RICTOR: variants seen among roughly 807,000 people sequenced by gnomAD.
RICTOR encodes rapamycin-insensitive companion of mTOR.
RICTOR carries 49 observed loss-of-function variants against 214.9 expected under a neutral mutation model. The ratio of observed to expected loss-of-function variants is 0.23; its 90% CI spans 0.18 to 0.29. The LOEUF is 0.29. Among genes scored for constraint, RICTOR ranks in the 10% least tolerant of loss-of-function variants. RICTOR has a pLI of 1.00. For missense variants in RICTOR, 1,625 were observed against 2,047.0 expected (o/e 0.79, Z 3.98); for synonymous variants, 717 against 711.3 (o/e 1.01, Z -0.13).
At chr5:39,046,099 C>T (rs1757479308) in intron 2 of RICTOR, among the ~76,000 whole-genome samples, 1 of 150,574 alleles carries the variant, frequency 6.6e-6, no homozygotes, top group Admixed American at 6.6e-5. Context: ...CACGTAATCC[C>T]AAAACTCTGG....
In RICTOR at chr5:39,021,063, T is replaced by C. The variant is rs1417250742; in HGVS notation, c.171A>G (p.Leu57=). 6.3e-7 allele frequency: 1 copy of C among 1,582,586 alleles called. No homozygotes were observed. Among genetic ancestry groups the C allele is most frequent in the Non-Finnish European group, 8.7e-7 (1 of 1,151,410 alleles). Residue 57 remains leucine, a synonymous_variant, in exon 3 of 38, where the codon CTA becomes CTG. Transcript: ENST00000357387. The part of the protein sequence containing the change: ...RLQGVSNMRK[L]GHLNNFTKLL... ...CCTTAGTAAAGTTATTCAGATGGCC[T>C]AGCTTTCTCATATTTGATACTCCCT...
At chr5:39,045,435 T>C (rs1473012917) in intron 2 of RICTOR, among the ~76,000 whole-genome samples, 1 of 152,140 alleles carries the variant, frequency 6.6e-6, no homozygotes, top group Non-Finnish European at 1.5e-5. Context: ...ACATTACAAT[T>C]ACTGCATGTT....
chr5:38,964,597 C>T (rs1374542356), intron 16 of RICTOR, among the ~76,000 whole-genome samples, 195 bp downstream of exon 16: 1 of 151,790 alleles, frequency 6.6e-6, no homozygotes, highest in African/African-American at 2.4e-5. Flanking sequence ...GATTTTATTA[C>T]ACTATTAGTA....
At chr5:38,949,607 G>A in intron 31 of RICTOR, 105 bp downstream of exon 31, 1 of 1,096,900 alleles carries the variant, frequency 9.1e-7, no homozygotes, top group Non-Finnish European at 1.3e-6. Context: ...AATTATAATA[G>A]GTCAGTGATG....
At chr5:38,999,043 A>AAAAAAAAAAAAAC (rs1561514547) in intron 5 of RICTOR, among the ~76,000 whole-genome samples, 24 of 143,016 alleles carry the variant, frequency 1.7e-4, no homozygotes, top group Non-Finnish European at 2.7e-4. Flanking sequence ...AAAAAAAAAA[A>AAAAAAAAAAAAAC]AAAAAAAACA....
chr5:39,073,833 G>T (rs1036054173), intron 2 of RICTOR, among the ~76,000 whole-genome samples: 1 of 152,170 alleles, frequency 6.6e-6, no homozygotes, highest in Admixed American at 6.5e-5. Flanking sequence ...CCAGAGGGTC[G>T]CCGGGTCTGC....
intron 1 of RICTOR, 52 bp downstream of exon 1, chr5:39,074,277 C>T: frequency 1.3e-6 from 2 of 1,571,254 alleles, no homozygotes; most frequent in Admixed American, 3.7e-5. Flanking sequence ...AAGGCAAGTG[C>T]CAGGGGTGGC....
chr5:38,990,717 T>TCA lies in RICTOR; in HGVS notation c.583+231_583+232insTG, dbSNP rs1314731565. On this transcript the variant is annotated intron_variant, in intron 7 of 37. Coordinates refer to ENST00000357387, the MANE Select transcript of RICTOR (RefSeq NM_152756.5). ...TGATATATATCAGATATGATATATA[T>TCA]GATATATATCATATATATGATATAT... Among the ~76,000 whole-genome samples, 8 of 128,556 alleles carry TCA rather than the reference T, an allele frequency of 6.2e-5. 2 individuals carry two copies. Among genetic ancestry groups the TCA allele is most frequent in the African/African-American group, 2.2e-4 (8 of 35,630 alleles). 84.3% of individuals were successfully genotyped at this position (128,556 alleles called of 152,430 possible).
chr5:38,975,466 A>G (rs1751129606), intron 10 of RICTOR, 71 bp downstream of exon 10: 3 of 1,051,100 alleles, frequency 2.9e-6, no homozygotes, highest in Admixed American at 3.6e-5. Flanking sequence ...TGCTACAATA[A>G]TAATTTAACA....
At position 39,059,443 on chromosome 5, in the gene RICTOR, C is replaced by T. The variant is rs75133831; in HGVS notation, c.97+14668G>A. 6.9e-3 allele frequency among the ~76,000 whole-genome samples: 1,050 copies of T among 152,142 alleles called. 52 individuals are homozygous for T. The East Asian group carries it at 0.12, about 17-fold the overall frequency. ...ATGTTTCTTGATCTGGGTTCTGATT[C>T]CCCATGTGTTCAATTTGTCAAAATT... On this transcript the variant is annotated intron_variant, in intron 2 of 37. Transcript: ENST00000357387.
chr5:38,969,657 G>A (rs1750587877), intron 11 of RICTOR: 1 of 147,076 alleles, frequency 6.8e-6, no homozygotes, highest in East Asian at 2.0e-4. Flanking sequence ...TATAGGTGCT[G>A]TATTTTTAAT....
chr5:39,025,640 T>A (rs745915983), intron 2 of RICTOR, among the ~76,000 whole-genome samples: 1 of 152,150 alleles, frequency 6.6e-6, no homozygotes, highest in Non-Finnish European at 1.5e-5. Context: ...AGGTCCTGGT[T>A]CCTCTTTCAG....
chr5:38,941,810 T>C lies in RICTOR; in HGVS notation c.*494A>G, dbSNP rs1747601534. The stretch of plus-strand genomic sequence containing the variant: ...GAAAGGGCCAAAGTTCCCTCTCTAA[T>C]ACCAGCAGTTATAGCACACCCCATT... On this transcript the variant is annotated 3_prime_UTR_variant, in exon 38 of 38. Transcript: ENST00000357387. 1 of 233,178 alleles carries C rather than the reference T, an allele frequency of 4.3e-6. No individual in the cohort carries two copies. Among genetic ancestry groups the C allele is most frequent in the Non-Finnish European group, 8.5e-6 (1 of 117,774 alleles). The allele number at this position is 233,178 out of a possible 1,614,324, so 14.4% of individuals were successfully genotyped here.
At chr5:39,036,797 G>A (rs1756742518) in intron 2 of RICTOR, among the ~76,000 whole-genome samples, 2 of 152,222 alleles carry the variant, frequency 1.3e-5, no homozygotes, top group South Asian at 4.1e-4. Flanking sequence ...CCCAATACAG[G>A]AGCACCCAGA....
chr5:38,951,063 ACT>A (rs1164466996), intron 30 of RICTOR, among the ~76,000 whole-genome samples: 1 of 151,936 alleles, frequency 6.6e-6, no homozygotes, highest in Non-Finnish European at 1.5e-5. Flanking sequence ...ATGGATGCTT[ACT>A]CAATTACTAC....
At chr5:39,026,811 C>G (rs1469910173) in intron 2 of RICTOR, among the ~76,000 whole-genome samples, 3 of 151,800 alleles carry the variant, frequency 2.0e-5, no homozygotes, top group African/African-American at 7.3e-5. Context: ...AGTTTGAGAC[C>G]AGCCTGACCA....
At chr5:39,033,356 T>C (rs2367996) in intron 2 of RICTOR, among the ~76,000 whole-genome samples, 67,254 of 151,536 alleles carry the variant, frequency 0.44, 15,005 homozygotes, top group East Asian at 0.6. Context: ...CTCTGCCTCC[T>C]GGGTTCAAGC....
intron 2 of RICTOR, among the ~76,000 whole-genome samples, chr5:39,035,345 A>C (rs1756596285): frequency 6.6e-6 from 1 of 152,204 alleles, no homozygotes; most frequent in African/African-American, 2.4e-5. Flanking sequence ...CAAAGACCTA[A>C]GGTAGATAAA....
chr5:39,073,613 A>T (rs983443688), intron 2 of RICTOR, among the ~76,000 whole-genome samples: 1 of 152,174 alleles, frequency 6.6e-6, no homozygotes, highest in African/African-American at 2.4e-5. Flanking sequence ...TCCCCACAGG[A>T]CGGTGGGCAA....
Sources: gnomAD v4.1 joint callset for allele counts (sites outside exome capture counted in the v4.1 genomes callset) on GRCh38, gnomAD v4.1.1 for gene constraint, MANE v1.5 for transcripts, NCBI Gene and HGNC (gene_info 2026-07-23, HGNC 2026-07-21) for gene names.